Variants in CAMSAP1 observed in about 807,000 individuals in gnomAD.
The protein encoded by CAMSAP1 is calmodulin regulated spectrin associated protein 1, also known as calmodulin-regulated spectrin-associated protein 1.
Under a neutral mutation model 143.5 loss-of-function variants are expected in CAMSAP1, and 58 were observed. The observed-to-expected ratio is 0.40, with a 90% CI of 0.33 to 0.50. The LOEUF is 0.50. CAMSAP1 is among the 20% of genes least tolerant of loss of function. The pLI is 0.45. For synonymous variants in CAMSAP1, 945 were observed against 859.3 expected (o/e 1.10, Z -1.74); for missense variants, 1,969 against 2,115.7 (o/e 0.93, Z 1.36).
chr9:135,827,361 G>C, intron 8 of CAMSAP1, 46 bp downstream of exon 8: 1 of 1,413,920 alleles, frequency 7.1e-7, no homozygotes, highest in Non-Finnish European at 9.4e-7. Flanking sequence ...CACAAAAAGG[G>C]ACACAAGATG....
intron 3 of CAMSAP1, among the ~76,000 whole-genome samples, chr9:135,876,941 T>C (rs1242323480): frequency 1.3e-5 from 2 of 152,016 alleles, no homozygotes; most frequent in Non-Finnish European, 2.9e-5. Context: ...CCCAGGAGGC[T>C]AAGGTTGCAG....
rs752402846 is a variant in CAMSAP1, at chr9:135,820,911, C to T, written c.3750G>A (p.Leu1250=). ...DLKAPDEDGE[L]VSLDGSADLV... ...GGTCCGCCGAGCCATCGAGGCTTAC[C>T]AGCTCCCCATCCTCGTCGGGGGCCT... Residue 1250 remains leucine, a synonymous_variant, in exon 11 of 17, where the codon CTG becomes CTA. Coordinates refer to ENST00000389532, the MANE Select transcript of CAMSAP1 (RefSeq NM_015447.4). The surrounding 1 kb of genome is among the most constrained non-coding windows in gnomAD (Gnocchi z 4.4). 1.2e-6 allele frequency: 2 copies of T among 1,613,858 alleles called. No homozygotes were observed. Among genetic ancestry groups the T allele is most frequent in the Non-Finnish European group, 1.7e-6 (2 of 1,179,878 alleles).
chr9:135,823,358 A>C, intron 10 of CAMSAP1, 98 bp from the exon 11 acceptor site: 1 of 1,319,558 alleles, frequency 7.6e-7, no homozygotes, highest in Admixed American at 2.7e-5. Flanking sequence ...CAAAGAGAAT[A>C]CGCCTCTCAT....
chr9:135,889,641 G>C (rs190660649), intron 1 of CAMSAP1, among the ~76,000 whole-genome samples: 97 of 152,334 alleles, frequency 6.4e-4, no homozygotes, highest in African/African-American at 1.7e-3. Flanking sequence ...GCTGCCCTGG[G>C]CCATCTCATG....
In CAMSAP1 at chr9:135,824,999, TG is replaced by T. The variant is rs1433743191; in HGVS notation, c.1224-120del. 2 of 784,404 alleles carry T rather than the reference TG, an allele frequency of 2.5e-6. No homozygotes were observed. The highest frequency in any genetic ancestry group is 3.6e-5 in the African/African-American group (2 of 55,656). 48.6% of individuals were successfully genotyped at this position (784,404 alleles called of 1,614,324 possible). ...ACACCAAGTTTTGAGAAACTCGGAC[TG>T]TTTGGGAAAAAAATGACAATAAAAA... On this transcript the variant is annotated intron_variant, in intron 8 of 16. Coordinates refer to ENST00000389532, the MANE Select transcript of CAMSAP1 (RefSeq NM_015447.4). The surrounding 1 kb of genome is among the most constrained non-coding windows in gnomAD (Gnocchi z 4.1).
chr9:135,837,567 ACTTT>A lies in CAMSAP1; in HGVS notation c.1046-9987_1046-9984del, dbSNP rs1252774014. Among the ~76,000 whole-genome samples the A allele has an allele frequency of 2.8e-5, 4 of 144,388 alleles. No homozygotes were observed. In the East Asian group the frequency reaches 6.3e-4, roughly 23 times the overall value. The allele number at this position is 144,388 out of a possible 152,430, so 94.7% of individuals were successfully genotyped here. A position where few individuals can be genotyped will look rare whatever the true frequency, so the allele number is the denominator to read the frequency against. The stretch of plus-strand genomic sequence containing the variant: ...GTTCTACAGACACACATCATCACGC[ACTTT>A]CTACCGGTTCTACAGACACATGTCA... On this transcript the variant is annotated intron_variant, in intron 7 of 16. Coordinates refer to ENST00000389532, the MANE Select transcript of CAMSAP1 (RefSeq NM_015447.4).
Position 135,820,986 on chromosome 9 carries a change from C to T in CAMSAP1, c.3675G>A (p.Glu1225=). ...VSGKESVPVE[E]PLRSRASLIE... Reference sequence around the variant, plus strand: ...TGAGGCTGGCCCTGCTCCTCAGAGGCTCCTCCACGGGGACGCTCTCTTTTC... The same window carrying T: ...TGAGGCTGGCCCTGCTCCTCAGAGGTTCCTCCACGGGGACGCTCTCTTTTC... The change falls in exon 11 of 17, where the codon GAG becomes GAA. Residue 1225 remains glutamate, a synonymous_variant. Transcript: ENST00000389532. This position sits in a 1 kb window ranked among gnomAD's most constrained non-coding sequence, Gnocchi z 4.4. The T allele has an allele frequency of 1.2e-6, 2 of 1,612,846 alleles. No homozygotes were observed. Among genetic ancestry groups the T allele is most frequent in the Non-Finnish European group, 8.5e-7 (1 of 1,179,108 alleles).
At position 135,880,505 on chromosome 9, in the gene CAMSAP1, C is replaced by T. The variant is rs1014314116; in HGVS notation, c.585+1128G>A. Among the ~76,000 whole-genome samples the T allele has an allele frequency of 3.9e-5, 6 of 152,162 alleles. No homozygotes were observed. The East Asian group carries it at 1.2e-3, about 29-fold the overall frequency. On this transcript the variant is annotated intron_variant, in intron 3 of 16. Coordinates refer to ENST00000389532, the MANE Select transcript of CAMSAP1 (RefSeq NM_015447.4). The stretch of plus-strand genomic sequence containing the variant: ...GAGTCTGCCCATCCACCTGGTTCAC[C>T]AACCCCAAGCTTGGGTAGGAAAACA...
Position 135,818,442 on chromosome 9 carries a change from C to G in CAMSAP1, c.4134G>C (p.Ser1378=). ...PRPKSVHREE[S]CSDSGTKCSS... Reference sequence around the variant, plus strand: ...AGCACTTGGTGCCGGAGTCGCTGCACGACTCTTCCCGGTGCACCGACTTCG... The same window carrying G: ...AGCACTTGGTGCCGGAGTCGCTGCAGGACTCTTCCCGGTGCACCGACTTCG... The change falls in exon 13 of 17, where the codon TCG becomes TCC. Residue 1378 remains serine (S), a synonymous_variant. Coordinates refer to ENST00000389532, the MANE Select transcript of CAMSAP1 (RefSeq NM_015447.4). This position sits in a 1 kb window ranked among gnomAD's most constrained non-coding sequence, Gnocchi z 7.7. 1.3e-6 allele frequency: 2 copies of G among 1,597,372 alleles called. No homozygotes were observed. Among genetic ancestry groups the G allele is most frequent in the Middle Eastern group, 1.8e-4 (1 of 5,706 alleles).
At chr9:135,863,016 C>G (rs1188321854) in intron 4 of CAMSAP1, among the ~76,000 whole-genome samples, 1 of 152,066 alleles carries the variant, frequency 6.6e-6, no homozygotes, top group South Asian at 2.1e-4. Context: ...CTCAGAAGAC[C>G]CAAGTTACTG....
chr9:135,905,194 CAAGGATTA>C (rs1838740294), intron 1 of CAMSAP1, among the ~76,000 whole-genome samples: 1 of 152,180 alleles, frequency 6.6e-6, no homozygotes, highest in Non-Finnish European at 1.5e-5. Context: ...GATGAGTCAA[CAAGGATTA>C]AAGAGTGACC....
In CAMSAP1 at chr9:135,811,068, A is replaced by G. The variant is rs964293875; in HGVS notation, c.*241T>C. The G allele has an allele frequency of 7.7e-5, 43 of 555,518 alleles. No homozygotes were observed. The East Asian group carries it at 1.3e-3, about 16-fold the overall frequency. 34.4% of individuals were successfully genotyped at this position (555,518 alleles called of 1,614,324 possible). A position where few individuals can be genotyped will look rare whatever the true frequency, so the allele number is the denominator to read the frequency against. ...GGCCACAGCAGTGCGAGCCACTGCAAAAGCGGCATCTACTCCCCCATCCTC... is the reference window on the plus strand; with the variant it reads ...GGCCACAGCAGTGCGAGCCACTGCAGAAGCGGCATCTACTCCCCCATCCTC... On this transcript the variant is annotated 3_prime_UTR_variant, in exon 17 of 17. Transcript: ENST00000389532. The surrounding 1 kb of genome is among the most constrained non-coding windows in gnomAD (Gnocchi z 4.9).
chr9:135,844,388 G>C (rs1836475524), intron 7 of CAMSAP1, among the ~76,000 whole-genome samples: 1 of 152,274 alleles, frequency 6.6e-6, no homozygotes, highest in Non-Finnish European at 1.5e-5. Context: ...AAATAAAGAA[G>C]TTCTTTGAAA....
chr9:135,853,604 G>T (rs7048404), intron 5 of CAMSAP1, among the ~76,000 whole-genome samples: 9 of 152,240 alleles, frequency 5.9e-5, no homozygotes, highest in African/African-American at 2.2e-4. Context: ...TAGAAAAGCC[G>T]ATGGATTTTC....
At chr9:135,892,867 A>AAAAAAAAAAG (rs1554800261) in intron 1 of CAMSAP1, among the ~76,000 whole-genome samples, 15 of 147,826 alleles carry the variant, frequency 1.0e-4, no homozygotes, top group African/African-American at 3.5e-4. Flanking sequence ...AAAAAAAAAA[A>AAAAAAAAAAG]GAACTAATCA....
intron 3 of CAMSAP1, among the ~76,000 whole-genome samples, chr9:135,876,333 T>C (rs1408766791): frequency 1.3e-5 from 2 of 152,210 alleles, no homozygotes; most frequent in East Asian, 3.8e-4. Flanking sequence ...TACATACATC[T>C]GACAAGGCCC....
In CAMSAP1 at chr9:135,811,970, G is replaced by C. The variant is rs905526177; in HGVS notation, c.4507-359C>G. 2.6e-5 allele frequency among the ~76,000 whole-genome samples: 4 copies of C among 152,208 alleles called. No individual in the cohort carries two copies. Among genetic ancestry groups the C allele is most frequent in the Admixed American group, 6.5e-5 (1 of 15,286 alleles). The stretch of plus-strand genomic sequence containing the variant: ...ACCCAGAAGCAGGGCGGTAACGAGT[G>C]CTGGCGAGCCATGGGGCTCTTTCAC... On this transcript the variant is annotated intron_variant, in intron 16 of 16. Coordinates refer to ENST00000389532, the MANE Select transcript of CAMSAP1 (RefSeq NM_015447.4). This position sits in a 1 kb window ranked among gnomAD's most constrained non-coding sequence, Gnocchi z 4.9.
rs1263395597 is a variant in CAMSAP1, at chr9:135,810,916, G to C, written c.*393C>G. The C allele has an allele frequency of 1.8e-5, 4 of 224,542 alleles. No homozygotes were observed. Among genetic ancestry groups the C allele is most frequent in the Admixed American group, 1.6e-4 (3 of 19,262 alleles). The allele number at this position is 224,542 out of a possible 1,614,324, so 13.9% of individuals were successfully genotyped here. A position where few individuals can be genotyped will look rare whatever the true frequency, so the allele number is the denominator to read the frequency against. On this transcript the variant is annotated 3_prime_UTR_variant, in exon 17 of 17. Transcript: ENST00000389532. Reference sequence around the variant, plus strand: ...GTCAGGCAATGTGCAAGGGGGCGAGGTGAGAAGCAAGAAAGCAAAGTGGAT... The same window carrying C: ...GTCAGGCAATGTGCAAGGGGGCGAGCTGAGAAGCAAGAAAGCAAAGTGGAT...
Position 135,819,013 on chromosome 9 carries a change from G to C in CAMSAP1, c.3956C>G (p.Ala1319Gly). Residue 1319 changes from alanine to glycine, a missense_variant, in exon 12 of 17, where the codon GCC becomes GGC. This residue lies in a region of CAMSAP1 where 1,390 missense variants were observed against 1,420.8 expected (regional missense o/e 0.98). Coordinates refer to ENST00000389532, the MANE Select transcript of CAMSAP1 (RefSeq NM_015447.4). ...EAEVELKRDE[A>G]RRKAEEDRVR... The stretch of plus-strand genomic sequence containing the variant: ...TCCCCCCCGGCGGGACGCTTACCGG[G>C]CTTCGTCACGCTTGAGCTCCACCTC... The C allele has an allele frequency of 6.2e-7, 1 of 1,605,886 alleles. No individual in the cohort carries two copies. The highest frequency in any genetic ancestry group is 1.1e-5 in the South Asian group (1 of 90,370).
Sources: allele counts gnomAD v4.1 joint callset (sites outside exome capture counted in the v4.1 genomes callset), GRCh38; gene constraint gnomAD v4.1.1; regional missense constraint gnomAD v4.1.1; non-coding constraint Gnocchi (gnomAD v3.1); transcripts MANE v1.5; gene names NCBI Gene and HGNC (gene_info 2026-07-23, HGNC 2026-07-21).